CDKAL1: variants seen among roughly 807,000 people sequenced by gnomAD.
CDKAL1 encodes threonylcarbamoyladenosine tRNA methylthiotransferase.
CDKAL1 carries 32 observed loss-of-function variants against 68.2 expected under a neutral mutation model. That is an observed-to-expected ratio of 0.47 (90% CI 0.35 to 0.63). The LOEUF (loss-of-function observed/expected upper bound fraction) is 0.63. CDKAL1 is among the 30% of genes least tolerant of loss of function. The pLI is 0.00. For missense variants in CDKAL1, 606 were observed against 696.7 expected (o/e 0.87, Z 1.47); for synonymous variants, 234 against 244.3 (o/e 0.96, Z 0.39).
chr6:21,078,903 G>A (rs935264136), intron 12 of CDKAL1, among the ~76,000 whole-genome samples: 3 of 152,060 alleles, frequency 2.0e-5, no homozygotes, highest in Admixed American at 1.3e-4. Context: ...GAAATGTGGG[G>A]GCTAATCTTT....
chr6:20,558,618 T>G (rs1181799930), intron 4 of CDKAL1: 12 of 456,234 alleles, frequency 2.6e-5, no homozygotes, highest in Non-Finnish European at 4.8e-5. Flanking sequence ...CTTTGTAATC[T>G]AAGAAGGAAT....
chr6:21,182,142 GA>G (rs1189702370), intron 13 of CDKAL1, among the ~76,000 whole-genome samples: 2 of 152,120 alleles, frequency 1.3e-5, no homozygotes. Flanking sequence ...GAAACTAGAT[GA>G]AATAAGATTA....
chr6:20,917,522 T>C (rs1762772876), intron 9 of CDKAL1, among the ~76,000 whole-genome samples: 1 of 152,208 alleles, frequency 6.6e-6, no homozygotes, highest in Non-Finnish European at 1.5e-5. Context: ...ATTTTTCTTT[T>C]TTATTTCAGT....
chr6:20,663,105 G>A (rs1463932574), intron 5 of CDKAL1, among the ~76,000 whole-genome samples: 1 of 152,112 alleles, frequency 6.6e-6, no homozygotes, highest in Non-Finnish European at 1.5e-5. Context: ...GGATGTGCCG[G>A]CTGAGTCTGT....
At chr6:20,721,996 G>A (rs538355809) in intron 5 of CDKAL1, among the ~76,000 whole-genome samples, 53 of 152,028 alleles carry the variant, frequency 3.5e-4, no homozygotes, top group Non-Finnish European at 7.4e-4. Context: ...CTCCCAAAAT[G>A]CTGGGATTAC....
chr6:21,064,316 A>G (rs1233111435), intron 11 of CDKAL1, among the ~76,000 whole-genome samples: 1 of 152,214 alleles, frequency 6.6e-6, no homozygotes, highest in African/African-American at 2.4e-5. Context: ...AGATTATTGA[A>G]AAAAGGATAC....
chr6:20,952,151 G>C (rs9358382), intron 9 of CDKAL1, among the ~76,000 whole-genome samples: 1 of 151,456 alleles, frequency 6.6e-6, no homozygotes, highest in Non-Finnish European at 1.5e-5. Context: ...GTAGAGACAG[G>C]GTTTCACCGT....
chr6:21,210,056 G>T (rs369798071), intron 15 of CDKAL1, among the ~76,000 whole-genome samples: 1 of 111,824 alleles, frequency 8.9e-6, no homozygotes, highest in Non-Finnish European at 2.0e-5. Flanking sequence ...TATACGTGTT[G>T]TAATAGTATT....
chr6:20,863,583 A>G (rs1759758375), intron 9 of CDKAL1, among the ~76,000 whole-genome samples: 1 of 152,228 alleles, frequency 6.6e-6, no homozygotes, highest in African/African-American at 2.4e-5. Context: ...TGAGCACTGT[A>G]AATGTCTGGA....
intron 4 of CDKAL1, among the ~76,000 whole-genome samples, chr6:20,621,813 C>T: frequency 6.7e-6 from 1 of 149,964 alleles, no homozygotes; most frequent in African/African-American, 2.5e-5. Context: ...GCAAGATGCT[C>T]TGGGCTCATC....
rs1275952720 is a variant in CDKAL1, at chr6:20,944,842, C to A, written c.743-10577C>A. 4.6e-5 allele frequency among the ~76,000 whole-genome samples: 7 copies of A among 152,208 alleles called. No homozygotes were observed. In the East Asian group the frequency reaches 1.2e-3, roughly 25 times the overall value. On this transcript the variant is annotated intron_variant, in intron 9 of 15. Transcript: ENST00000274695. ...AATTACCTTTTGTTGACATTACCTGCAAATGTTTGTAGTGTTTTGTTCTTA... is the reference window on the plus strand; with the variant it reads ...AATTACCTTTTGTTGACATTACCTGAAAATGTTTGTAGTGTTTTGTTCTTA...
In CDKAL1 at chr6:20,962,069, T is replaced by G. The variant is rs185601626; in HGVS notation, c.909+6484T>G. Among the ~76,000 whole-genome samples the G allele has an allele frequency of 2.1e-3, 318 of 152,382 alleles. 9 individuals carry two copies. Among genetic ancestry groups the G allele is most frequent in the Admixed American group, 0.011 (168 of 15,304 alleles). ...ACCTGCGCCAGAGAGGGCAAACTGG[T>G]TAATCTAGATTGCAAGTGCTTATTA... On this transcript the variant is annotated intron_variant, in intron 10 of 15. Coordinates refer to ENST00000274695, the MANE Select transcript of CDKAL1 (RefSeq NM_017774.3).
intron 13 of CDKAL1, among the ~76,000 whole-genome samples, chr6:21,115,108 A>T (rs1332036763): frequency 6.6e-6 from 1 of 152,206 alleles, no homozygotes; most frequent in Non-Finnish European, 1.5e-5. Flanking sequence ...CAAGTTTCTT[A>T]AATATGGAAA....
Position 21,178,638 on chromosome 6 carries a change from C to A in CDKAL1, c.1300-19383C>A, listed in dbSNP as rs568443559. Among the ~76,000 whole-genome samples the A allele has an allele frequency of 8.2e-4, 125 of 152,290 alleles. 1 individual carries two copies. Among genetic ancestry groups the A allele is most frequent in the African/African-American group, 2.8e-3 (118 of 41,580 alleles). On this transcript the variant is annotated intron_variant, in intron 13 of 15. Coordinates refer to ENST00000274695, the MANE Select transcript of CDKAL1 (RefSeq NM_017774.3). ...TTAATTTGATTGAAAATGATCCCCC[C>A]ACAAAAGTTTCCAAATTATAACTTA...
intron 10 of CDKAL1, among the ~76,000 whole-genome samples, chr6:20,998,949 G>A (rs571253997): frequency 1.3e-5 from 2 of 152,316 alleles, no homozygotes; most frequent in South Asian, 2.1e-4. Flanking sequence ...TCAATGAAAA[G>A]AAAATGGAGA....
chr6:20,848,650 T>C (rs1259212197), intron 9 of CDKAL1, among the ~76,000 whole-genome samples: 1 of 152,208 alleles, frequency 6.6e-6, no homozygotes, highest in Non-Finnish European at 1.5e-5. Flanking sequence ...AACCATGGAA[T>C]GTTTGCAACA....
intron 15 of CDKAL1, among the ~76,000 whole-genome samples, chr6:21,220,308 C>G (rs912524994): frequency 6.6e-6 from 1 of 152,140 alleles, no homozygotes; most frequent in African/African-American, 2.4e-5. Flanking sequence ...GAATAATTTC[C>G]AAATTTCCAA....
intron 9 of CDKAL1, among the ~76,000 whole-genome samples, chr6:20,921,473 G>A (rs1348810670): frequency 2.0e-5 from 3 of 152,076 alleles, no homozygotes; most frequent in Admixed American, 6.6e-5. Context: ...ACTAAGGCTC[G>A]AGAGGTTACA....
chr6:21,140,959 T>G (rs975664261), intron 13 of CDKAL1, among the ~76,000 whole-genome samples: 1 of 152,142 alleles, frequency 6.6e-6, no homozygotes, highest in Non-Finnish European at 1.5e-5. Context: ...CGGAAACCCC[T>G]GATAAACCCA....
Sources: gnomAD v4.1 joint callset for allele counts (sites outside exome capture counted in the v4.1 genomes callset) on GRCh38, gnomAD v4.1.1 for gene constraint, MANE v1.5 for transcripts, NCBI Gene and HGNC (gene_info 2026-07-23, HGNC 2026-07-21) for gene names.